The following DLGAP2 variants were observed in gnomAD, a reference collection of about 807,000 sequenced individuals.
The protein encoded by DLGAP2 is disks large-associated protein 2.
Under a neutral mutation model 100.3 loss-of-function variants are expected in DLGAP2, and 26 were observed. That is an observed-to-expected ratio of 0.26 (90% CI 0.19 to 0.36). The LOEUF is 0.36. Ranked by LOEUF, DLGAP2 falls within the 10% of genes least tolerant of loss-of-function variation. The pLI is 1.00. For synonymous variants in DLGAP2, 886 were observed against 630.1 expected, an observed-to-expected ratio of 1.41 and a Z score of -6.08; for missense variants, 1,858 against 1,453.2, an observed-to-expected ratio of 1.28 and a Z score of -4.53.
At chr8:799,677 G>T (rs1026785656) in intron 1 of DLGAP2, among the ~76,000 whole-genome samples, 10 of 152,174 alleles carry the variant, frequency 6.6e-5, no homozygotes, top group Non-Finnish European at 1.2e-4. Flanking sequence ...GCTCACTGCA[G>T]CCTCAAACTC....
intron 3 of DLGAP2, among the ~76,000 whole-genome samples, chr8:1,453,513 T>C (rs1310884300): frequency 6.6e-6 from 1 of 152,128 alleles, no homozygotes; most frequent in Non-Finnish European, 1.5e-5. Context: ...AATCATTATG[T>C]ATTCTGAGTG....
At chr8:1,062,654 C>G (rs1803121456) in intron 2 of DLGAP2, among the ~76,000 whole-genome samples, 1 of 152,154 alleles carries the variant, frequency 6.6e-6, no homozygotes, top group South Asian at 2.1e-4. Flanking sequence ...TGCCCTCCCT[C>G]CCTCCTGGCC....
intron 2 of DLGAP2, among the ~76,000 whole-genome samples, chr8:1,188,139 C>T (rs369419613): frequency 1.5e-5 from 2 of 135,712 alleles, no homozygotes; most frequent in African/African-American, 3.2e-5. Context: ...GAATCTCGCA[C>T]GCCCGGGACT....
At chr8:803,813 T>C (rs918253530) in intron 1 of DLGAP2, among the ~76,000 whole-genome samples, 2 of 152,242 alleles carry the variant, frequency 1.3e-5, no homozygotes, top group Non-Finnish European at 2.9e-5. Context: ...GCATAATGAA[T>C]GAGCACATTA....
At chr8:1,185,411 G>A (rs1476656043) in intron 2 of DLGAP2, among the ~76,000 whole-genome samples, 3 of 152,056 alleles carry the variant, frequency 2.0e-5, no homozygotes, top group Admixed American at 1.3e-4. Flanking sequence ...GACCCCTAAG[G>A]CCGGTCAGCT....
intron 1 of DLGAP2, among the ~76,000 whole-genome samples, chr8:890,989 G>A (rs1461253705): frequency 6.6e-6 from 1 of 152,124 alleles, no homozygotes; most frequent in Non-Finnish European, 1.5e-5. Flanking sequence ...CTGGGTCAGT[G>A]CTATTGGGTT....
At chr8:1,433,254 A>C (rs1797510896) in intron 3 of DLGAP2, among the ~76,000 whole-genome samples, 1 of 152,180 alleles carries the variant, frequency 6.6e-6, no homozygotes, top group Non-Finnish European at 1.5e-5. Flanking sequence ...TGCCTCTGGC[A>C]ACAGAACCCA....
chr8:1,369,631 T>C (rs981845622), intron 3 of DLGAP2: 2 of 152,236 alleles, frequency 1.3e-5, no homozygotes, highest in African/African-American at 4.8e-5. Flanking sequence ...GTGGAATGCA[T>C]GAAACTCCAT....
Position 1,623,818 on chromosome 8 carries a change from A to C in DLGAP2, c.1443-2922A>C, listed in dbSNP as rs146454703. Among the ~76,000 whole-genome samples the C allele has an allele frequency of 5.9e-3, 893 of 152,372 alleles. 8 individuals carry two copies. The highest frequency in any genetic ancestry group is 0.02 in the African/African-American group (832 of 41,594). On this transcript the variant is annotated intron_variant, in intron 6 of 14. Transcript: ENST00000637795. ...AGGACAATGCAAAACACTTATTAGC[A>C]TTTCTGGCGTAATCTTGCATAGAAA...
chr8:1,261,017 G>T (rs140700271), intron 3 of DLGAP2, among the ~76,000 whole-genome samples: 1 of 152,368 alleles, frequency 6.6e-6, no homozygotes, highest in African/African-American at 2.4e-5. Flanking sequence ...TGACAGTGGC[G>T]TGAGGAGGGG....
In DLGAP2 at chr8:1,649,824, A is replaced by G. The variant is rs186039423; in HGVS notation, c.1810+16778A>G. 1.4e-4 allele frequency among the ~76,000 whole-genome samples: 21 copies of G among 152,336 alleles called. No homozygotes were observed. In the East Asian group the frequency reaches 3.7e-3, roughly 27 times the overall value. On this transcript the variant is annotated intron_variant, in intron 8 of 14. Coordinates refer to ENST00000637795, the MANE Select transcript of DLGAP2 (RefSeq NM_001346810.2). ...TCCCAGTGGATTCATCATGGGGAAT[A>G]TTTGTATCTCTATTTATTTATTTAT...
intron 8 of DLGAP2, among the ~76,000 whole-genome samples, chr8:1,665,942 G>C (rs1168755847): frequency 6.6e-6 from 1 of 152,186 alleles, no homozygotes; most frequent in Non-Finnish European, 1.5e-5. Context: ...TGTCCATGTC[G>C]CACTCAACAC....
intron 3 of DLGAP2, among the ~76,000 whole-genome samples, chr8:1,487,668 C>T (rs77745495): frequency 2.0e-5 from 3 of 152,288 alleles, no homozygotes; most frequent in East Asian, 3.9e-4. Flanking sequence ...GTGTAGGAAT[C>T]GTCTGTTCAT....
intron 2 of DLGAP2, among the ~76,000 whole-genome samples, chr8:1,085,940 T>C (rs1204291793): frequency 6.6e-6 from 1 of 152,226 alleles, no homozygotes; most frequent in African/African-American, 2.4e-5. Context: ...TTGTCTTTCA[T>C]TAAAGTTTTC....
chr8:1,533,134 G>GAAAAAAAAAAAAAA (rs1801037957), intron 4 of DLGAP2, among the ~76,000 whole-genome samples: 1 of 145,862 alleles, frequency 6.9e-6, no homozygotes, highest in Non-Finnish European at 1.5e-5. Context: ...CTGATTCTAG[G>GAAAAAAAAAAAAAA]GAAAAAAAAA....
intron 2 of DLGAP2, among the ~76,000 whole-genome samples, chr8:1,161,959 A>G (rs1402831580): frequency 6.6e-6 from 1 of 152,240 alleles, no homozygotes; most frequent in Non-Finnish European, 1.5e-5. Context: ...GGGGTGCGTC[A>G]GAGTCACCTG....
chr8:1,426,427 G>A (rs1456799259), intron 3 of DLGAP2, among the ~76,000 whole-genome samples: 2 of 152,162 alleles, frequency 1.3e-5, no homozygotes. Context: ...CCCAGAGCTA[G>A]GGAGGAAAGA....
chr8:949,681 C>T (rs1383758659), intron 2 of DLGAP2, among the ~76,000 whole-genome samples: 1 of 152,214 alleles, frequency 6.6e-6, no homozygotes, highest in Non-Finnish European at 1.5e-5. Context: ...CTCGTTCCCA[C>T]CCCCCTTGCA....
chr8:952,935 A>G (rs1476596469), intron 2 of DLGAP2, among the ~76,000 whole-genome samples: 1 of 152,164 alleles, frequency 6.6e-6, no homozygotes, highest in Non-Finnish European at 1.5e-5. Context: ...CCTTATGTTG[A>G]AATCTGTTGG....
Sources: gnomAD v4.1 joint callset for allele counts (sites outside exome capture counted in the v4.1 genomes callset) on GRCh38, gnomAD v4.1.1 for gene constraint, MANE v1.5 for transcripts, NCBI Gene and HGNC (gene_info 2026-07-23, HGNC 2026-07-21) for gene names.